PLXND1: variants seen among roughly 807,000 people sequenced by gnomAD.
PLXND1 encodes the protein plexin D1.
A neutral mutation model predicts 197.7 loss-of-function variants in PLXND1; 54 were observed. The observed-to-expected ratio is 0.27, with a 90% confidence interval of 0.22 to 0.34. The LOEUF (loss-of-function observed/expected upper bound fraction) is 0.34. Ranked by LOEUF, PLXND1 falls within the 10% of genes least tolerant of loss-of-function variation. The probability of loss-of-function intolerance (pLI) is 1.00; values close to 1 mark genes in which losing one functional copy is unlikely to be tolerated. For synonymous variants in PLXND1, 1,180 were observed against 1,161.2 expected (o/e 1.02, Z -0.33); for missense variants, 2,127 against 2,699.2 (o/e 0.79, Z 4.70).
Position 129,567,570 on chromosome 3 carries a change from G to C in PLXND1, c.4008C>G (p.Leu1336=), listed in dbSNP as rs2245285. 565,449 of 1,607,588 alleles carry C rather than the reference G, an allele frequency of 0.35. 106,299 individuals are homozygous for C. The highest frequency in any genetic ancestry group is 0.71 in the East Asian group (31,776 of 44,726). The change falls in exon 22 of 36, where the codon CTC becomes CTG. Residue 1336 remains leucine (L), a synonymous_variant. Coordinates refer to ENST00000324093, the MANE Select transcript of PLXND1 (RefSeq NM_015103.3). ...CCTGGCTGCGGTTCAGCTCCTTGGT[G>C]AGATCTGTCATGTCTGTCTGCAGCT... The part of the protein sequence containing the change: ...FAELQTDMTD[L]TKELNRSQGI...
At position 129,567,492 on chromosome 3, in the gene PLXND1, C is replaced by G. The variant is rs1346857374; in HGVS notation, c.4086G>C (p.Lys1362Asn). The change falls in exon 22 of 36, where the codon AAG becomes AAC. Residue 1362 changes from lysine to asparagine, a missense_variant and splice_region_variant. Physicochemically the swap from Lys to Asn is moderately conservative, Grantham distance 94. This residue lies in a region of PLXND1 where 532 missense variants were observed against 811.0 expected (regional missense o/e 0.66). Coordinates refer to ENST00000324093, the MANE Select transcript of PLXND1 (RefSeq NM_015103.3). The part of the protein sequence containing the change: ...KHFVTRTFFP[K>N]CSSLYEERYV... ...AGGGCAGGCTCAGGCTCGGGCTGAC[C>G]TTGGGGAAGAAGGTGCGGGTCACGA... 3 of 1,582,298 alleles carry G rather than the reference C, an allele frequency of 1.9e-6. No individual in the cohort carries two copies. The highest frequency in any genetic ancestry group is 2.6e-6 in the Non-Finnish European group (3 of 1,156,246).
At chr3:129,571,362 G>A (rs1044575668) in intron 17 of PLXND1, 59 bp from the exon 18 acceptor site, 1 of 1,578,528 alleles carries the variant, frequency 6.3e-7, no homozygotes, top group Admixed American at 1.8e-5. Flanking sequence ...TGGGCATGGA[G>A]AAACGGTGGG....
intron 20 of PLXND1, chr3:129,569,625 A>C (rs1423079446): frequency 5.5e-6 from 3 of 545,748 alleles, no homozygotes; most frequent in Non-Finnish European, 9.9e-6. Flanking sequence ...GCGTGGGCCT[A>C]GCATATCCCC....
Position 129,561,814 on chromosome 3 carries a change from G to C in PLXND1, c.4915C>G (p.Leu1639Val). 1 of 1,612,742 alleles carries C rather than the reference G, an allele frequency of 6.2e-7. No individual in the cohort carries two copies. The highest frequency in any genetic ancestry group is 2.2e-5 in the East Asian group (1 of 44,872). ...CAGGGCTGCACCTTGTAATGGGCCA[G>C]CGTGTTAAGCTTCTTGCGGCCGTCT... ...VEDGRKKLNT[L>V]AHYKIPEGAS... is the part of the protein sequence containing the mutation. Residue 1639 changes from leucine to valine, a missense_variant, in exon 28 of 36, where the codon CTG becomes GTG. Leu to Val is a conservative substitution (Grantham distance 32). This residue lies in a region of PLXND1 where 532 missense variants were observed against 811.0 expected (regional missense o/e 0.66). Transcript: ENST00000324093.
chr3:129,568,843 C>T (rs1021751021), intron 20 of PLXND1, among the ~76,000 whole-genome samples: 1 of 152,228 alleles, frequency 6.6e-6, no homozygotes, highest in African/African-American at 2.4e-5. Context: ...GCCACTGAGC[C>T]TGGCCTAATT....
chr3:129,594,917 A>G (rs575365228), intron 1 of PLXND1, among the ~76,000 whole-genome samples: 1 of 151,484 alleles, frequency 6.6e-6, no homozygotes, highest in African/African-American at 2.4e-5. Flanking sequence ...GTGCAGCTCA[A>G]CAGCTTCCCA....
At chr3:129,566,232 C>T (rs989075607) in intron 23 of PLXND1, 5 of 604,816 alleles carry the variant, frequency 8.3e-6, no homozygotes, top group Non-Finnish European at 1.5e-5. Context: ...TGGAGGTAAC[C>T]TGGCATCCCA....
At chr3:129,589,310 T>TGCCCCCCCCCCCCCCCCCCCCCCCCCCC in intron 2 of PLXND1, 41 bp downstream of exon 2, 1 of 501,288 alleles carries the variant, frequency 2.0e-6, no homozygotes. Flanking sequence ...CAGGGGAGCC[T>TGCCCCCCCCCCCCCCCCCCCCCCCCCCC]CCCACCCCCA....
In PLXND1 at chr3:129,605,627, T is replaced by C. The variant is rs2085778645; in HGVS notation, c.1013A>G (p.Tyr338Cys). Residue 338 changes from tyrosine (Y) to cysteine (C), a missense_variant, in exon 1 of 36, where the codon TAC (tyrosine) becomes TGC (cysteine). Transcript: ENST00000324093. Reference protein sequence around the residue: ...GGDAKKLTESYIQLGLQCAGG... With the variant: ...GGDAKKLTESCIQLGLQCAGG... ...CGCGCACTGCAAGCCCAACTGGATG[T>C]AGGACTCGGTGAGCTTCTTGGCGTC... is the stretch of plus-strand genomic sequence containing the variant. The C allele has an allele frequency of 6.5e-7, 1 of 1,537,450 alleles. No homozygotes were observed. Among genetic ancestry groups the C allele is most frequent in the Non-Finnish European group, 8.7e-7 (1 of 1,145,558 alleles).
At chr3:129,586,395 G>T in intron 3 of PLXND1, 123 bp from the exon 4 acceptor site, 2 of 1,014,584 alleles carry the variant, frequency 2.0e-6, no homozygotes, top group Non-Finnish European at 2.9e-6. Flanking sequence ...ACTCTAATGG[G>T]GGAACATGGG....
chr3:129,601,770 C>G (rs1332424806), intron 1 of PLXND1, among the ~76,000 whole-genome samples: 2 of 152,168 alleles, frequency 1.3e-5, no homozygotes, highest in African/African-American at 4.8e-5. Flanking sequence ...CCCATCACTC[C>G]CCACCACTGG....
chr3:129,584,559 T>G lies in PLXND1; in HGVS notation c.1855A>C (p.Met619Leu). 6.2e-7 allele frequency: 1 copy of G among 1,603,976 alleles called. No homozygotes were observed. Among genetic ancestry groups the G allele is most frequent in the Non-Finnish European group, 8.5e-7 (1 of 1,174,278 alleles). Residue 619 changes from methionine to leucine, a missense_variant, in exon 6 of 36, where the codon ATG becomes CTG. By Grantham distance (15) the Met-to-Leu change is conservative. Transcript: ENST00000324093. ...EIDVRQEYPGMILQISGSLPS... is the reference protein window; with the variant it reads ...EIDVRQEYPGLILQISGSLPS... ...AGGCTGCCCGAGATCTGCAGGATCA[T>G]GCCCTGGGGGCAAGGAGCCCTCAGC... is the stretch of plus-strand genomic sequence containing the variant.
At chr3:129,594,181 G>A (rs1028543385) in intron 1 of PLXND1, among the ~76,000 whole-genome samples, 4 of 152,330 alleles carry the variant, frequency 2.6e-5, no homozygotes, top group East Asian at 3.9e-4. Context: ...CACCGGCTGC[G>A]GAGGCTTTGC....
intron 3 of PLXND1, 114 bp from the exon 4 acceptor site, chr3:129,586,386 C>T: frequency 9.7e-7 from 1 of 1,034,472 alleles, no homozygotes; most frequent in Middle Eastern, 3.1e-4. Flanking sequence ...AGGGTCAACA[C>T]TCTAATGGGG....
rs1221434798 is a variant in PLXND1 at position 129,586,643 on chromosome 3, A to G, written c.1565T>C (p.Val522Ala). The G allele has an allele frequency of 6.3e-7, 1 of 1,582,018 alleles. No homozygotes were observed. The change falls in exon 3 of 36, where the codon GTC (valine) becomes GCC (alanine). Residue 522 changes from valine (V) to alanine (A), a missense_variant. Val to Ala is a moderately conservative substitution (Grantham distance 64). Transcript: ENST00000324093. ...GGAGTCTGCTGGGTCAAACTGCATG[A>G]CATGGTGCACGGGCTCCCCATAGGC... ...TVAYGEPVHHVMQFDPADSGY... is the reference protein window; with the variant it reads ...TVAYGEPVHHAMQFDPADSGY...
intron 10 of PLXND1, 70 bp from the exon 11 acceptor site, chr3:129,575,632 T>C (rs2085302114): frequency 1.5e-6 from 2 of 1,297,022 alleles, no homozygotes; most frequent in East Asian, 2.5e-5. Flanking sequence ...ATGGGTGTCA[T>C]GGAGGCAGAT....
At chr3:129,592,661 C>T (rs535891248) in intron 1 of PLXND1, among the ~76,000 whole-genome samples, 1 of 152,194 alleles carries the variant, frequency 6.6e-6, no homozygotes, top group East Asian at 1.9e-4. Flanking sequence ...TAATTCTGCA[C>T]CGAAGGAATT....
In PLXND1 at chr3:129,574,387, C is replaced by A; in HGVS notation, c.2634G>T (p.Arg878=). The A allele has an allele frequency of 2.5e-6, 4 of 1,611,796 alleles. No homozygotes were observed. Among genetic ancestry groups the A allele is most frequent in the Non-Finnish European group, 3.4e-6 (4 of 1,179,474 alleles). Residue 878 remains arginine, a synonymous_variant, in exon 12 of 36, where the codon CGG becomes CGT. Transcript: ENST00000324093. Reference sequence around the variant, plus strand: ...TGCCAGCCATGGGCTGCAGAGGCCCCCGCAGGCGGCAGCCATCACTCCACA... The same window carrying A: ...TGCCAGCCATGGGCTGCAGAGGCCCACGCAGGCGGCAGCCATCACTCCACA... ...LCMWSDGCRL[R]GPLQPMAGTC... is the part of the protein sequence containing the mutation.
intron 15 of PLXND1, 65 bp from the exon 16 acceptor site, chr3:129,571,909 T>C (rs1578323526): frequency 2.1e-6 from 3 of 1,459,018 alleles, no homozygotes; most frequent in Non-Finnish European, 2.8e-6. Flanking sequence ...CCAATGCCCC[T>C]GAGACCTGGG....
Sources: gnomAD v4.1 joint callset for allele counts (sites outside exome capture counted in the v4.1 genomes callset) on GRCh38, gnomAD v4.1.1 for gene constraint, gnomAD v4.1.1 regional missense constraint, MANE v1.5 for transcripts, NCBI Gene and HGNC (gene_info 2026-07-23, HGNC 2026-07-21) for gene names.